Variants in MLLT3 observed in about 807,000 individuals in gnomAD.
MLLT3 encodes MLLT3 super elongation complex subunit.
A neutral mutation model predicts 53.2 loss-of-function variants in MLLT3; 4 were observed. The observed-to-expected ratio is 0.08, with a 90% CI of 0.04 to 0.17. The LOEUF (loss-of-function observed/expected upper bound fraction) is 0.17, where lower values mean the gene tolerates loss of function less well. MLLT3 is among the 10% of genes least tolerant of loss of function. MLLT3 has a pLI of 1.00. For synonymous variants in MLLT3, 283 were observed against 230.6 expected (o/e 1.23, Z -2.06); for missense variants, 569 against 684.0 (o/e 0.83, Z 1.87).
chr9:20,509,205 A>T (rs1190520023), intron 2 of MLLT3, among the ~76,000 whole-genome samples: 1 of 152,240 alleles, frequency 6.6e-6, no homozygotes, highest in Non-Finnish European at 1.5e-5. Context: ...CTGGGTACCC[A>T]GAACATCTGG....
Position 20,620,546 on chromosome 9 carries a change from C to A in MLLT3, c.193+108G>T, listed in dbSNP as rs142738760. 12 of 1,018,600 alleles carry A rather than the reference C, an allele frequency of 1.2e-5. No individual in the cohort carries two copies. In the East Asian group the frequency reaches 2.5e-4, roughly 21 times the overall value. The allele number at this position is 1,018,600 out of a possible 1,614,324, so 63.1% of individuals were successfully genotyped here. On this transcript the variant is annotated intron_variant, in intron 2 of 10. Coordinates refer to ENST00000380338, the MANE Select transcript of MLLT3 (RefSeq NM_004529.4). The surrounding 1 kb of genome is among the most constrained non-coding windows in gnomAD (Gnocchi z 6.1). The stretch of plus-strand genomic sequence containing the variant: ...CGCGCACCCGGATCCCGAGGCTACG[C>A]CGGCGAGCGCGGCGCGGGGGGCGGG...
At chr9:20,526,591 T>C (rs1458803991) in intron 2 of MLLT3, among the ~76,000 whole-genome samples, 2 of 152,198 alleles carry the variant, frequency 1.3e-5, no homozygotes, top group African/African-American at 2.4e-5. Context: ...TCTACAATGA[T>C]TGACAGTTTT....
At position 20,615,360 on chromosome 9, in the gene MLLT3, G is replaced by GA. The variant is rs10601830; in HGVS notation, c.193+5293dup. ...CCTGGGTGACAGGGCCAGACCATGT[G>GA]AAAAAAAAAAAAAAAAAAAAAAAAA... On this transcript the variant is annotated intron_variant, in intron 2 of 10. Transcript: ENST00000380338. 4.5e-3 allele frequency among the ~76,000 whole-genome samples: 221 copies of GA among 48,768 alleles called. 19 individuals carry two copies. The highest frequency in any genetic ancestry group is 6.2e-3 in the Non-Finnish European group (164 of 26,626). The allele number at this position is 48,768 out of a possible 152,430, so 32.0% of individuals were successfully genotyped here.
At chr9:20,556,843 TTAAGTA>T (rs1819071135) in intron 2 of MLLT3, among the ~76,000 whole-genome samples, 1 of 152,152 alleles carries the variant, frequency 6.6e-6, no homozygotes. Flanking sequence ...TCAGCTCTAC[TTAAGTA>T]TATTATGTAA....
intron 4 of MLLT3, among the ~76,000 whole-genome samples, chr9:20,437,446 A>G (rs908119804): frequency 1.3e-5 from 2 of 152,204 alleles, no homozygotes; most frequent in Non-Finnish European, 2.9e-5. Context: ...ATAAAAAAGA[A>G]GAGATTTCAG....
intron 10 of MLLT3, among the ~76,000 whole-genome samples, chr9:20,347,210 G>A (rs1003426329): frequency 3.3e-5 from 5 of 152,016 alleles, no homozygotes; most frequent in African/African-American, 1.2e-4. Flanking sequence ...TTGGGTGCTA[G>A]TTACATAAGA....
At chr9:20,535,279 T>G (rs1390661774) in intron 2 of MLLT3, among the ~76,000 whole-genome samples, 1 of 152,208 alleles carries the variant, frequency 6.6e-6, no homozygotes, top group Non-Finnish European at 1.5e-5. Context: ...ATCTGATGAT[T>G]TGAGGTGGAA....
At chr9:20,498,075 T>C (rs1210700483) in intron 2 of MLLT3, among the ~76,000 whole-genome samples, 3 of 151,450 alleles carry the variant, frequency 2.0e-5, no homozygotes, top group African/African-American at 7.3e-5. Context: ...ATATAAAAAT[T>C]AGCTGGGCGT....
chr9:20,573,299 C>T (rs1819579068), intron 2 of MLLT3, among the ~76,000 whole-genome samples: 1 of 151,930 alleles, frequency 6.6e-6, no homozygotes, highest in Non-Finnish European at 1.5e-5. Flanking sequence ...CCTGCCTCGG[C>T]CCCACAAATA....
At chr9:20,622,018 T>C (rs1587141996) in intron 1 of MLLT3, 2 of 1,155,348 alleles carry the variant, frequency 1.7e-6, no homozygotes, top group African/African-American at 2.1e-5. Flanking sequence ...GAGGGGCGAG[T>C]GTGAGCGTGT....
At chr9:20,558,270 T>G (rs1160863928) in intron 2 of MLLT3, among the ~76,000 whole-genome samples, 1 of 152,198 alleles carries the variant, frequency 6.6e-6, no homozygotes. Flanking sequence ...AGCCCCATAT[T>G]TGGCCTTCAG....
intron 2 of MLLT3, among the ~76,000 whole-genome samples, chr9:20,611,298 G>A (rs1323047639): frequency 1.3e-5 from 2 of 152,020 alleles, no homozygotes; most frequent in African/African-American, 4.8e-5. Context: ...GCATCATTCA[G>A]ACAAAATTTA....
intron 5 of MLLT3, among the ~76,000 whole-genome samples, chr9:20,404,359 C>T (rs1822529391): frequency 6.6e-6 from 1 of 152,132 alleles, no homozygotes; most frequent in Non-Finnish European, 1.5e-5. Context: ...GATAAAATTA[C>T]CTAACAAAAG....
chr9:20,611,450 G>A (rs992583583), intron 2 of MLLT3, among the ~76,000 whole-genome samples: 1 of 151,836 alleles, frequency 6.6e-6, no homozygotes, highest in Non-Finnish European at 1.5e-5. Context: ...TGGTATTGAT[G>A]AGGAAATAAC....
chr9:20,480,274 G>A (rs1824628951), intron 2 of MLLT3, among the ~76,000 whole-genome samples: 1 of 152,154 alleles, frequency 6.6e-6, no homozygotes, highest in Non-Finnish European at 1.5e-5. Context: ...GGCTTCCTGA[G>A]CCTTTCTATT....
intron 2 of MLLT3, among the ~76,000 whole-genome samples, chr9:20,537,756 G>A (rs145210545): frequency 2.6e-5 from 4 of 152,254 alleles, no homozygotes; most frequent in African/African-American, 9.6e-5. Context: ...TTCAGATCCT[G>A]CAGATGATTT....
chr9:20,617,593 T>C (rs1820865779), intron 2 of MLLT3, among the ~76,000 whole-genome samples: 1 of 152,198 alleles, frequency 6.6e-6, no homozygotes, highest in African/African-American at 2.4e-5. Context: ...TGAATGTGAC[T>C]ATTCATTTCA....
chr9:20,589,306 C>A (rs1485618899), intron 2 of MLLT3, among the ~76,000 whole-genome samples: 1 of 151,600 alleles, frequency 6.6e-6, no homozygotes, highest in Non-Finnish European at 1.5e-5. Context: ...AAATTGGAAA[C>A]CATCATTCTC....
intron 2 of MLLT3, among the ~76,000 whole-genome samples, chr9:20,474,878 A>T (rs539499844): frequency 2.4e-4 from 37 of 152,110 alleles, no homozygotes; most frequent in Non-Finnish European, 4.1e-4. Flanking sequence ...TAAATAGCTA[A>T]CAGGTAAAAG....
Sources: allele counts gnomAD v4.1 joint callset (sites outside exome capture counted in the v4.1 genomes callset), GRCh38; gene constraint gnomAD v4.1.1; non-coding constraint Gnocchi (gnomAD v3.1); transcripts MANE v1.5; gene names NCBI Gene and HGNC (gene_info 2026-07-23, HGNC 2026-07-21).